The following SDC4 variants were observed in gnomAD, a reference collection of about 807,000 sequenced individuals.
The protein encoded by SDC4 is syndecan-4.
Under a neutral mutation model 20.5 loss-of-function variants are expected in SDC4, and 17 were observed. The ratio of observed to expected loss-of-function variants is 0.83; its 90% CI spans 0.57 to 1.25. The LOEUF (loss-of-function observed/expected upper bound fraction) is 1.25. Ranked by LOEUF, SDC4 falls within the 50% of genes most tolerant of loss-of-function variation. The pLI, the probability that SDC4 is intolerant of heterozygous loss-of-function variation, is 0.00. For synonymous variants in SDC4, 107 were observed against 105.3 expected (o/e 1.02, Z -0.10); for missense variants, 241 against 252.3 (o/e 0.96, Z 0.30).
At chr20:45,332,483 T>C (rs1987792952) in intron 3 of SDC4, among the ~76,000 whole-genome samples, 3 of 152,034 alleles carry the variant, frequency 2.0e-5, no homozygotes, top group African/African-American at 7.2e-5. Flanking sequence ...TTTCTATCAA[T>C]GCTAGGAAAT....
chr20:45,339,445 C>A (rs1987922664), intron 1 of SDC4, among the ~76,000 whole-genome samples: 1 of 152,216 alleles, frequency 6.6e-6, no homozygotes, highest in African/African-American at 2.4e-5. Flanking sequence ...GAACACACAA[C>A]AGAAATTACC....
chr20:45,341,686 C>T (rs369772923), intron 1 of SDC4, among the ~76,000 whole-genome samples: 18 of 152,254 alleles, frequency 1.2e-4, no homozygotes, highest in African/African-American at 3.9e-4. Flanking sequence ...CCTTCAAGGT[C>T]GGGTTACTCT....
intron 1 of SDC4, among the ~76,000 whole-genome samples, chr20:45,347,679 C>T (rs1988052692): frequency 6.6e-6 from 1 of 152,204 alleles, no homozygotes; most frequent in South Asian, 2.1e-4. Context: ...TCGAAAAGAG[C>T]AGAGTCCCCA....
At chr20:45,338,572 T>C (rs1388411965) in intron 1 of SDC4, among the ~76,000 whole-genome samples, 1 of 152,146 alleles carries the variant, frequency 6.6e-6, no homozygotes, top group Non-Finnish European at 1.5e-5. Context: ...TGCTAAGAGG[T>C]ATTTCAAAAC....
chr20:45,338,515 C>T (rs1433828842), intron 1 of SDC4, among the ~76,000 whole-genome samples: 2 of 152,170 alleles, frequency 1.3e-5, no homozygotes, highest in African/African-American at 4.8e-5. Flanking sequence ...CCCCAGGAGC[C>T]ATGGAAGGTT....
At chr20:45,348,231 A>C (rs1988062420) in intron 1 of SDC4, 94 bp downstream of exon 1, 119 of 780,794 alleles carry the variant, frequency 1.5e-4, no homozygotes, top group Non-Finnish European at 2.0e-4. Flanking sequence ...CGTACCCCCG[A>C]TCTGCCCCCC....
chr20:45,344,095 C>T (rs1600734805), intron 1 of SDC4, among the ~76,000 whole-genome samples: 1 of 152,298 alleles, frequency 6.6e-6, no homozygotes, highest in Non-Finnish European at 1.5e-5. Flanking sequence ...CTGAACAGTA[C>T]CAGCTTTTGC....
intron 1 of SDC4, chr20:45,345,227 G>C (rs1373574983): frequency 6.6e-6 from 1 of 152,202 alleles, no homozygotes; most frequent in Non-Finnish European, 1.5e-5. Flanking sequence ...CAGTGTGCGG[G>C]GGGAGAGAGG....
At chr20:45,334,279 A>T (rs956973463) in intron 2 of SDC4, among the ~76,000 whole-genome samples, 11 of 151,968 alleles carry the variant, frequency 7.2e-5, no homozygotes, top group Admixed American at 6.5e-4. Context: ...TTACAGGTGT[A>T]AGCCACCGCG....
chr20:45,331,217 C>A (rs1308752833), intron 3 of SDC4, among the ~76,000 whole-genome samples: 1 of 152,100 alleles, frequency 6.6e-6, no homozygotes, highest in Non-Finnish European at 1.5e-5. Context: ...CTTTGGATAT[C>A]ACCTTTTGTC....
In SDC4 at chr20:45,326,521, G is replaced by C. The variant is rs1294346843; in HGVS notation, c.*743C>G. The C allele has an allele frequency of 6.6e-6, 1 of 151,938 alleles. No homozygotes were observed. The highest frequency in any genetic ancestry group is 1.5e-5 in the Non-Finnish European group (1 of 67,994). The allele number at this position is 151,938 out of a possible 1,614,324, so 9.4% of individuals were successfully genotyped here. On this transcript the variant is annotated 3_prime_UTR_variant, in exon 5 of 5. Transcript: ENST00000372733. ...GTGCTGTGGAAATGTGCGAGAGAAT[G>C]AAGACACCTCGGCACCTCCACACTC...
intron 1 of SDC4, 55 bp from the exon 2 acceptor site, chr20:45,335,975 T>G (rs1987859039): frequency 1.9e-6 from 3 of 1,582,622 alleles, no homozygotes; most frequent in South Asian, 2.2e-5. Flanking sequence ...CCATGACAGC[T>G]GATGCCCAAA....
At chr20:45,344,293 C>T (rs768281699) in intron 1 of SDC4, among the ~76,000 whole-genome samples, 1 of 105,556 alleles carries the variant, frequency 9.5e-6, no homozygotes, top group South Asian at 4.1e-4. Context: ...CTGTATGTCC[C>T]CTCGAGCCCC....
chr20:45,344,560 G>A (rs1011573097), intron 1 of SDC4, among the ~76,000 whole-genome samples: 3 of 152,240 alleles, frequency 2.0e-5, no homozygotes, highest in African/African-American at 7.2e-5. Flanking sequence ...CCAACAGGGA[G>A]ATGGGGCTGG....
At chr20:45,343,186 C>G (rs768861676) in intron 1 of SDC4, among the ~76,000 whole-genome samples, 11 of 152,190 alleles carry the variant, frequency 7.2e-5, no homozygotes, top group Non-Finnish European at 1.3e-4. Flanking sequence ...CAAACAAGCC[C>G]AAGAAGTCAG....
Position 45,330,359 on chromosome 20 carries a change from G to A in SDC4, c.445+7C>T. On this transcript the variant is annotated splice_region_variant and intron_variant, in intron 4 of 4. Transcript: ENST00000372733. ...CAAGGCATCTTATAAGCAGCATGGG[G>A]ACTTACCTGCCAGGACCTCCGTTCT... is the stretch of plus-strand genomic sequence containing the variant. 1 of 1,613,190 alleles carries A rather than the reference G, an allele frequency of 6.2e-7. No homozygotes were observed. The highest frequency in any genetic ancestry group is 1.1e-5 in the South Asian group (1 of 91,060).
chr20:45,337,830 A>G (rs557124894), intron 1 of SDC4, among the ~76,000 whole-genome samples: 3 of 152,050 alleles, frequency 2.0e-5, no homozygotes, highest in Admixed American at 6.5e-5. Flanking sequence ...GCCAGGAATC[A>G]CTCTCTCCCG....
chr20:45,327,418 G>A lies in SDC4; in HGVS notation c.446-3C>T. The A allele has an allele frequency of 1.2e-6, 2 of 1,611,388 alleles. No homozygotes were observed. Among genetic ancestry groups the A allele is most frequent in the Non-Finnish European group, 1.7e-6 (2 of 1,177,740 alleles). On this transcript the variant is annotated splice_polypyrimidine_tract_variant and splice_region_variant and intron_variant, in intron 4 of 4. Coordinates refer to ENST00000372733, the MANE Select transcript of SDC4 (RefSeq NM_002999.4). ...CACGATGCCACCCACAATCAGAGCTGGAGAGGAGGAGAGAGAAGAGGCGGG... is the reference window on the plus strand; with the variant it reads ...CACGATGCCACCCACAATCAGAGCTAGAGAGGAGGAGAGAGAAGAGGCGGG...
At chr20:45,335,756 A>G (rs148797476) in intron 2 of SDC4, 26 bp downstream of exon 2, 7 of 1,610,616 alleles carry the variant, frequency 4.3e-6, no homozygotes, top group Non-Finnish European at 5.9e-6. Context: ...CTTTGTGCCT[A>G]CGCCTGCCCA....
Sources: allele counts gnomAD v4.1 joint callset (sites outside exome capture counted in the v4.1 genomes callset), GRCh38; gene constraint gnomAD v4.1.1; transcripts MANE v1.5; gene names NCBI Gene and HGNC (gene_info 2026-07-23, HGNC 2026-07-21).